DHX9: variants seen among roughly 807,000 people sequenced by gnomAD.
DHX9 encodes DExH-box helicase 9.
DHX9 carries 27 observed loss-of-function variants against 148.7 expected under a neutral mutation model. That is an observed-to-expected ratio of 0.18 (90% CI 0.13 to 0.25). The LOEUF is 0.25. Among genes scored for constraint, DHX9 ranks in the 10% least tolerant of loss-of-function variants. The pLI is 1.00. For synonymous variants in DHX9, 529 were observed against 516.6 expected (o/e 1.02, Z -0.33); for missense variants, 796 against 1,559.6 (o/e 0.51, Z 8.25).
At chr1:182,875,992 AGAC>A (rs1648747490) in intron 16 of DHX9, 55 bp from the exon 17 acceptor site, 2 of 1,367,034 alleles carry the variant, frequency 1.5e-6, no homozygotes, top group East Asian at 4.6e-5. Context: ...GAAATCTAGA[AGAC>A]TTACCTCATG....
rs568286337 is a variant in DHX9, at chr1:182,879,485, C to G, written c.2512+75C>G. 37 of 1,288,556 alleles carry G rather than the reference C, an allele frequency of 2.9e-5. No homozygotes were observed. The African/African-American group carries it at 4.6e-4, about 16-fold the overall frequency. 79.8% of individuals were successfully genotyped at this position (1,288,556 alleles called of 1,614,324 possible). A position where few individuals can be genotyped will look rare whatever the true frequency, so the allele number is the denominator to read the frequency against. ...GTCTTGTTCTGGCAGATAACACTTA[C>G]AAATGAATCAAGATGATGAAGATGT... On this transcript the variant is annotated intron_variant, in intron 21 of 27. Transcript: ENST00000367549.
rs764708662 is a variant in DHX9 at position 182,887,280 on chromosome 1, G to C, written c.3659G>C (p.Gly1220Ala). The C allele has an allele frequency of 6.2e-7, 1 of 1,614,138 alleles. No individual in the cohort carries two copies. The highest frequency in any genetic ancestry group is 8.5e-7 in the Non-Finnish European group (1 of 1,180,030). Reference protein sequence around the residue: ...YGAGVGGGYRGVSRGGFRGNS... With the variant: ...YGAGVGGGYRAVSRGGFRGNS... Reference sequence around the variant, plus strand: ...GCAGGTGTTGGTGGAGGCTATAGAGGAGTTTCCCGAGGTGGCTTTAGAGGC... The same window carrying C: ...GCAGGTGTTGGTGGAGGCTATAGAGCAGTTTCCCGAGGTGGCTTTAGAGGC... The change falls in exon 28 of 28, where the codon GGA becomes GCA. Residue 1220 changes from glycine (G) to alanine (A), a missense_variant. This residue lies in a region of DHX9 where 98 missense variants were observed against 105.5 expected (regional missense o/e 0.93). Transcript: ENST00000367549.
rs569520300 is a variant in DHX9, at chr1:182,858,218, C to A, written c.788C>A (p.Thr263Lys). The A allele has an allele frequency of 1.9e-6, 3 of 1,613,740 alleles. No homozygotes were observed. Among genetic ancestry groups the A allele is most frequent in the South Asian group, 1.1e-5 (1 of 90,992 alleles). ...LGVVEAYSGL[T>K]KKKEGETVEP... Reference sequence around the variant, plus strand: ...GTGGTTGAAGCTTACTCCGGACTTACAAAGAAGAAGGAAGGAGAGACAGTG... The same window carrying A: ...GTGGTTGAAGCTTACTCCGGACTTAAAAAGAAGAAGGAAGGAGAGACAGTG... The change falls in exon 8 of 28, where the codon ACA becomes AAA. Residue 263 changes from threonine to lysine, a missense_variant. This residue lies in a region of DHX9 where 63 missense variants were observed against 78.6 expected (regional missense o/e 0.80). Coordinates refer to ENST00000367549, the MANE Select transcript of DHX9 (RefSeq NM_001357.5).
At chr1:182,884,245 A>G (rs1395701866) in intron 26 of DHX9, among the ~76,000 whole-genome samples, 1 of 152,118 alleles carries the variant, frequency 6.6e-6, no homozygotes, top group Admixed American at 6.5e-5. Flanking sequence ...CACTCCAGCG[A>G]GGGCAACAGA....
At chr1:182,849,791 A>G (rs541482386) in intron 3 of DHX9, among the ~76,000 whole-genome samples, 2 of 151,998 alleles carry the variant, frequency 1.3e-5, no homozygotes, top group Admixed American at 6.5e-5. Flanking sequence ...CTGCCTCTAC[A>G]TATATCTTCC....
intron 27 of DHX9, among the ~76,000 whole-genome samples, chr1:182,886,563 A>G (rs10911155): frequency 0.23 from 35,377 of 152,126 alleles, 7,311 homozygotes; most frequent in African/African-American, 0.56. Context: ...CTGCACAGGA[A>G]TAATAAGCAG....
At position 182,887,208 on chromosome 1, in the gene DHX9, G is replaced by A. The variant is rs2102625296; in HGVS notation, c.3587G>A (p.Ser1196Asn). Reference protein sequence around the residue: ...GGGYSSGGYGSGGYGGSANSF... With the variant: ...GGGYSSGGYGNGGYGGSANSF... ...GGCTATAGCAGTGGAGGCTATGGTA[G>A]CGGAGGCTATGGTGGCAGCGCCAAC... Residue 1196 changes from serine to asparagine, a missense_variant, in exon 28 of 28, where the codon AGC becomes AAC. Transcript: ENST00000367549. 6.2e-7 allele frequency: 1 copy of A among 1,607,856 alleles called. No individual in the cohort carries two copies. Among genetic ancestry groups the A allele is most frequent in the East Asian group, 2.2e-5 (1 of 44,868 alleles).
chr1:182,881,221 C>T, intron 22 of DHX9, 43 bp from the exon 23 acceptor site: 1 of 1,580,156 alleles, frequency 6.3e-7, no homozygotes, highest in Non-Finnish European at 8.6e-7. Flanking sequence ...CTGGCAACAA[C>T]ATTGTGATCT....
At chr1:182,845,393 A>C (rs1031387710) in intron 3 of DHX9, among the ~76,000 whole-genome samples, 10 of 151,856 alleles carry the variant, frequency 6.6e-5, no homozygotes, top group Admixed American at 5.2e-4. Context: ...ATTCTGGGGT[A>C]CCAGATATTT....
intron 3 of DHX9, 117 bp downstream of exon 3, chr1:182,843,551 A>G: frequency 9.0e-7 from 1 of 1,114,030 alleles, no homozygotes; most frequent in Non-Finnish European, 1.2e-6. Flanking sequence ...GTGTTTCGTA[A>G]TGAAATTTGG....
At chr1:182,878,507 T>A (rs1390536197) in intron 20 of DHX9, among the ~76,000 whole-genome samples, 2 of 152,198 alleles carry the variant, frequency 1.3e-5, no homozygotes, top group Non-Finnish European at 2.9e-5. Flanking sequence ...AGAATATAAA[T>A]AATGCCTAAC....
At position 182,839,594 on chromosome 1, in the gene DHX9, C is replaced by T. The variant is rs546497776; in HGVS notation, c.-23+138C>T. 2.0e-5 allele frequency: 3 copies of T among 152,238 alleles called. 1 individual carries two copies. The highest frequency in any genetic ancestry group is 4.1e-4 in the South Asian group (2 of 4,842). 9.4% of individuals were successfully genotyped at this position (152,238 alleles called of 1,614,324 possible). ...GGGGGTGGGGGAAGGGACGAGCCGC[C>T]CGCGGGTCCCCGGATTGCGGGTTGC... On this transcript the variant is annotated intron_variant, in intron 1 of 27. Coordinates refer to ENST00000367549, the MANE Select transcript of DHX9 (RefSeq NM_001357.5).
At chr1:182,880,782 C>A (rs183282214) in intron 22 of DHX9, among the ~76,000 whole-genome samples, 174 bp downstream of exon 22, 1 of 151,996 alleles carries the variant, frequency 6.6e-6, no homozygotes, top group Non-Finnish European at 1.5e-5. Context: ...ATGAACAGTT[C>A]CAGTAGGTGG....
At chr1:182,874,082 A>G (rs570601815) in intron 15 of DHX9, among the ~76,000 whole-genome samples, 1 of 152,350 alleles carries the variant, frequency 6.6e-6, no homozygotes, top group East Asian at 1.9e-4. Context: ...GAATAGTGAC[A>G]AGTGCCTCTT....
intron 24 of DHX9, among the ~76,000 whole-genome samples, chr1:182,882,071 T>C (rs1323458061): frequency 2.6e-5 from 4 of 152,164 alleles, no homozygotes; most frequent in Admixed American, 2.6e-4. Context: ...TAACCAGAAA[T>C]AAGACTGTTG....
chr1:182,876,015 G>A, intron 16 of DHX9, 35 bp from the exon 17 acceptor site: 1 of 1,576,768 alleles, frequency 6.3e-7, no homozygotes, highest in Non-Finnish European at 8.7e-7. Context: ...GAGTAACTGA[G>A]ACAATCCAAA....
chr1:182,858,097 A>C lies in DHX9; in HGVS notation c.674-7A>C, dbSNP rs374620008. On this transcript the variant is annotated splice_region_variant and splice_polypyrimidine_tract_variant and intron_variant, in intron 7 of 27. Coordinates refer to ENST00000367549, the MANE Select transcript of DHX9 (RefSeq NM_001357.5). ...TTCTGTCTGATAATCCTGACCTTAC[A>C]TTATAGGGATTTTTGCACGAGAACA... The C allele has an allele frequency of 1.6e-5, 26 of 1,609,820 alleles. No individual in the cohort carries two copies. The highest frequency in any genetic ancestry group is 2.2e-5 in the Non-Finnish European group (26 of 1,179,040).
chr1:182,873,922 G>A (rs964875757), intron 15 of DHX9, among the ~76,000 whole-genome samples: 15 of 152,188 alleles, frequency 9.9e-5, no homozygotes, highest in African/African-American at 3.4e-4. Context: ...ATAACGATGG[G>A]GATAAAGGGA....
At chr1:182,872,256 A>C in intron 14 of DHX9, 81 bp from the exon 15 acceptor site, 1 of 1,173,212 alleles carries the variant, frequency 8.5e-7, no homozygotes, top group South Asian at 1.5e-5. Flanking sequence ...TTGATGTCTT[A>C]TGGCTGTATA....
Sources: allele counts gnomAD v4.1 joint callset (sites outside exome capture counted in the v4.1 genomes callset), GRCh38; gene constraint gnomAD v4.1.1; regional missense constraint gnomAD v4.1.1; transcripts MANE v1.5; gene names NCBI Gene and HGNC (gene_info 2026-07-23, HGNC 2026-07-21).